Variants in PALM2AKAP2 observed in about 807,000 individuals in gnomAD.
The protein encoded by PALM2AKAP2 is PALM2 and AKAP2 fusion, also known as PALM2-AKAP2 fusion protein.
A neutral mutation model predicts 71.5 loss-of-function variants in PALM2AKAP2; 37 were observed. The ratio of observed to expected loss-of-function variants is 0.52; its 90% CI spans 0.40 to 0.68. The LOEUF (loss-of-function observed/expected upper bound fraction) is 0.68. Among genes scored for constraint, PALM2AKAP2 ranks in the 30% least tolerant of loss-of-function variants. PALM2AKAP2 has a pLI of 0.00. For missense variants in PALM2AKAP2, 1,224 were observed against 1,191.8 expected, an observed-to-expected ratio of 1.03 and a Z score of -0.40; for synonymous variants, 468 against 478.8, an observed-to-expected ratio of 0.98 and a Z score of 0.29.
At chr9:109,850,696 G>C (rs531359826) in intron 1 of PALM2AKAP2, among the ~76,000 whole-genome samples, 1 of 152,260 alleles carries the variant, frequency 6.6e-6, no homozygotes, top group East Asian at 1.9e-4. Context: ...AGAAAGCAAG[G>C]ATTTAACTGC....
In PALM2AKAP2 at chr9:109,979,340, C is replaced by A. The variant is rs138723856; in HGVS notation, c.497-36614C>A. Among the ~76,000 whole-genome samples the A allele has an allele frequency of 5.9e-5, 9 of 152,246 alleles. No individual in the cohort carries two copies. In the East Asian group the frequency reaches 1.7e-3, roughly 29 times the overall value. On this transcript the variant is annotated intron_variant, in intron 6 of 9. Transcript: ENST00000302798. Reference sequence around the variant, plus strand: ...TCTAGCCATGAGGGTGGAGGAAGAACGCAAGCCTTGCTCTCAAGCCCCGCC... The same window carrying A: ...TCTAGCCATGAGGGTGGAGGAAGAAAGCAAGCCTTGCTCTCAAGCCCCGCC...
chr9:109,942,680 T>G (rs1268297462), intron 6 of PALM2AKAP2: 7 of 1,542,730 alleles, frequency 4.5e-6, no homozygotes, highest in Non-Finnish European at 6.1e-6. Flanking sequence ...CTTGTTTTCA[T>G]TCAAGCTGTG....
At chr9:109,743,389 G>C (rs1397006638) in intron 1 of PALM2AKAP2, among the ~76,000 whole-genome samples, 2 of 152,170 alleles carry the variant, frequency 1.3e-5, no homozygotes, top group African/African-American at 4.8e-5. Flanking sequence ...CCCGTGCAGA[G>C]CTGCATTAGA....
At chr9:109,725,102 G>A (rs1176678315) in intron 1 of PALM2AKAP2, among the ~76,000 whole-genome samples, 1 of 151,926 alleles carries the variant, frequency 6.6e-6, no homozygotes, top group Non-Finnish European at 1.5e-5. Context: ...TCAAAAAAAA[G>A]AAAATTAAAA....
At chr9:109,978,102 C>T (rs1181359923) in intron 6 of PALM2AKAP2, among the ~76,000 whole-genome samples, 4 of 151,870 alleles carry the variant, frequency 2.6e-5, no homozygotes, top group African/African-American at 9.7e-5. Context: ...AAAATAAAGC[C>T]CCAGAGGTGA....
chr9:109,929,981 C>T (rs926180330), intron 5 of PALM2AKAP2, among the ~76,000 whole-genome samples: 8 of 151,840 alleles, frequency 5.3e-5, no homozygotes, highest in African/African-American at 1.7e-4. Flanking sequence ...AAATCCAAAA[C>T]CATCTTCAGG....
chr9:110,001,998 C>T (rs577481588), intron 6 of PALM2AKAP2, among the ~76,000 whole-genome samples: 1 of 152,116 alleles, frequency 6.6e-6, no homozygotes, highest in Non-Finnish European at 1.5e-5. Flanking sequence ...TAATTGAATA[C>T]CCTTTATTTC....
At chr9:110,019,117 T>C (rs765767894) in intron 7 of PALM2AKAP2, among the ~76,000 whole-genome samples, 7 of 151,078 alleles carry the variant, frequency 4.6e-5, no homozygotes, top group Non-Finnish European at 8.8e-5. Flanking sequence ...CGCGTGCCTG[T>C]AATCCAAAGC....
In PALM2AKAP2 at chr9:110,000,117, C is replaced by T. The variant is rs190224102; in HGVS notation, c.497-15837C>T. Among the ~76,000 whole-genome samples, 504 of 151,672 alleles carry T rather than the reference C, an allele frequency of 3.3e-3. 4 individuals carry two copies. The highest frequency in any genetic ancestry group is 5.0e-3 in the Admixed American group (76 of 15,230). ...TGTTGGTGTGCTGCACACATTAACT[C>T]GTCATTTAACATCAGGGATATCTCC... On this transcript the variant is annotated intron_variant, in intron 6 of 9. Transcript: ENST00000302798.
intron 2 of PALM2AKAP2, among the ~76,000 whole-genome samples, chr9:109,869,940 T>G (rs897419895): frequency 5.9e-5 from 9 of 151,988 alleles, no homozygotes; most frequent in Non-Finnish European, 1.3e-4. Context: ...GCATTGTATG[T>G]CTCTGGGAAA....
intron 5 of PALM2AKAP2, among the ~76,000 whole-genome samples, chr9:109,927,521 C>T (rs1242138537): frequency 6.6e-6 from 1 of 152,186 alleles, no homozygotes; most frequent in Admixed American, 6.5e-5. Context: ...GCAAAAGCAT[C>T]CCAACTCGTG....
At chr9:109,894,750 T>C (rs1196025456) in intron 3 of PALM2AKAP2, among the ~76,000 whole-genome samples, 2 of 152,116 alleles carry the variant, frequency 1.3e-5, no homozygotes, top group Non-Finnish European at 2.9e-5. Context: ...ATGGCAAAGA[T>C]GACTATGTGC....
At chr9:109,658,574 T>G (rs963266918) in intron 1 of PALM2AKAP2, among the ~76,000 whole-genome samples, 2 of 152,176 alleles carry the variant, frequency 1.3e-5, no homozygotes, top group Non-Finnish European at 2.9e-5. Context: ...ATACTGCTGA[T>G]AAAGACATAC....
At chr9:109,663,198 C>A (rs1827427311) in intron 1 of PALM2AKAP2, among the ~76,000 whole-genome samples, 1 of 152,134 alleles carries the variant, frequency 6.6e-6, no homozygotes, top group Non-Finnish European at 1.5e-5. Context: ...TTCAGTTCTG[C>A]TCTGATCTTA....
upstream of PALM2AKAP2, chr9:109,780,360 TC>T (rs983819389): frequency 4.4e-6 from 7 of 1,575,074 alleles, no homozygotes; most frequent in Non-Finnish European, 6.0e-6. Context: ...CTGGAGCGGA[TC>T]CCCAGCCGTC....
At chr9:110,029,484 T>G (rs1279706149) in intron 7 of PALM2AKAP2, among the ~76,000 whole-genome samples, 1 of 152,246 alleles carries the variant, frequency 6.6e-6, no homozygotes, top group East Asian at 1.9e-4. Flanking sequence ...AAATGCTTCC[T>G]GAGGACATCT....
chr9:109,879,318 T>C (rs774525891), intron 2 of PALM2AKAP2, among the ~76,000 whole-genome samples: 9 of 152,200 alleles, frequency 5.9e-5, no homozygotes, highest in Non-Finnish European at 1.0e-4. Context: ...TTAATAGTCA[T>C]TGCTCCTGCT....
chr9:109,780,784 C>A (rs1829431570), intron 1 of PALM2AKAP2, among the ~76,000 whole-genome samples: 1 of 152,108 alleles, frequency 6.6e-6, no homozygotes, highest in Non-Finnish European at 1.5e-5. Flanking sequence ...TGCTGCTGGG[C>A]TTTGGGGAAG....
chr9:109,817,357 A>G (rs1163503788), intron 1 of PALM2AKAP2, among the ~76,000 whole-genome samples: 1 of 152,206 alleles, frequency 6.6e-6, no homozygotes, highest in African/African-American at 2.4e-5. Context: ...CCTGCCTGGT[A>G]TGCTAATGAT....
Sources: gnomAD v4.1 joint callset for allele counts (sites outside exome capture counted in the v4.1 genomes callset) on GRCh38, gnomAD v4.1.1 for gene constraint, MANE v1.5 for transcripts, NCBI Gene and HGNC (gene_info 2026-07-23, HGNC 2026-07-21) for gene names.